TFCP2: variants seen among roughly 807,000 people sequenced by gnomAD.
TFCP2 encodes transcription factor CP2, also known as alpha-globin transcription factor CP2.
Under a neutral mutation model 73.4 loss-of-function variants are expected in TFCP2, and 33 were observed. The ratio of observed to expected loss-of-function variants is 0.45; its 90% CI spans 0.34 to 0.60. The LOEUF (loss-of-function observed/expected upper bound fraction) is 0.60. TFCP2 is among the 20% of genes least tolerant of loss of function. TFCP2 has a pLI of 0.01. For missense variants in TFCP2, 352 were observed against 604.0 expected, an observed-to-expected ratio of 0.58 and a Z score of 4.37; for synonymous variants, 193 against 211.6, an observed-to-expected ratio of 0.91 and a Z score of 0.76.
chr12:51,111,720 G>A (rs1292727095), intron 4 of TFCP2, among the ~76,000 whole-genome samples: 3 of 151,810 alleles, frequency 2.0e-5, no homozygotes, highest in Non-Finnish European at 4.4e-5. Context: ...CGGCCGTGGT[G>A]GCCCACACCT....
intron 1 of TFCP2, among the ~76,000 whole-genome samples, chr12:51,149,781 A>G (rs1316651381): frequency 6.6e-6 from 1 of 152,010 alleles, no homozygotes; most frequent in African/African-American, 2.4e-5. Context: ...TTGCATTTTT[A>G]GTAGAGACGG....
At chr12:51,145,507 A>C (rs1379946711) in intron 1 of TFCP2, among the ~76,000 whole-genome samples, 1 of 133,282 alleles carries the variant, frequency 7.5e-6, no homozygotes, top group Non-Finnish European at 1.6e-5. Context: ...TGAAGGTTGC[A>C]GTGAGCCAAG....
intron 1 of TFCP2, among the ~76,000 whole-genome samples, chr12:51,171,913 C>T (rs797020231): frequency 5.9e-5 from 9 of 152,316 alleles, no homozygotes; most frequent in African/African-American, 1.7e-4. Context: ...TCATTAAGCA[C>T]CAGCTCCCAA....
intron 1 of TFCP2, among the ~76,000 whole-genome samples, chr12:51,166,293 C>A (rs1260248543): frequency 1.3e-5 from 2 of 151,372 alleles, no homozygotes; most frequent in Non-Finnish European, 2.9e-5. Context: ...GCCTGGGCAA[C>A]AAGATCGAAA....
chr12:51,162,530 T>G (rs1167938579), intron 1 of TFCP2, among the ~76,000 whole-genome samples: 1 of 152,178 alleles, frequency 6.6e-6, no homozygotes, highest in Non-Finnish European at 1.5e-5. Flanking sequence ...TAAACCAACC[T>G]AATTAATACA....
At chr12:51,171,947 T>G (rs148058419) in intron 1 of TFCP2, among the ~76,000 whole-genome samples, 1 of 152,240 alleles carries the variant, frequency 6.6e-6, no homozygotes, top group East Asian at 1.9e-4. Flanking sequence ...TAGATACCAT[T>G]CCTATGCTAT....
chr12:51,129,962 A>G (rs1940902409), intron 1 of TFCP2, among the ~76,000 whole-genome samples: 1 of 136,536 alleles, frequency 7.3e-6, no homozygotes, highest in Non-Finnish European at 1.6e-5. Context: ...CAGCCTGGGT[A>G]AAAAATAAGA....
intron 1 of TFCP2, among the ~76,000 whole-genome samples, chr12:51,171,472 G>A (rs1941860746): frequency 6.6e-6 from 1 of 152,132 alleles, no homozygotes; most frequent in Admixed American, 6.6e-5. Flanking sequence ...CCGCCTCCCG[G>A]GTTCAAGCGA....
chr12:51,126,361 A>G (rs780289916), intron 1 of TFCP2, among the ~76,000 whole-genome samples: 30 of 152,318 alleles, frequency 2.0e-4, no homozygotes, highest in South Asian at 6.2e-4. Context: ...GTATAGCAGA[A>G]AGCAATTGAG....
intron 12 of TFCP2, 30 bp from the exon 13 acceptor site, chr12:51,098,948 G>A: frequency 6.2e-7 from 1 of 1,610,002 alleles, no homozygotes; most frequent in South Asian, 1.1e-5. Context: ...ACAGCAGTCA[G>A]TACAAAGTTT....
intron 1 of TFCP2, among the ~76,000 whole-genome samples, chr12:51,153,771 C>G (rs887651173): frequency 6.6e-6 from 1 of 152,162 alleles, no homozygotes; most frequent in Non-Finnish European, 1.5e-5. Flanking sequence ...CATATGTATA[C>G]ATTATATACA....
In TFCP2 at chr12:51,099,779, C is replaced by T. The variant is rs751783634; in HGVS notation, c.1152G>A (p.Arg384=). The change falls in exon 12 of 15, where the codon CGG becomes CGA. Residue 384 remains arginine, a splice_region_variant and synonymous_variant. Transcript: ENST00000257915. ...GIRLFNALKG[R]MVRPRLTIYV... ...AAATGGTTAACCTTGGACGCACCATCCTAAGGGGAGGAAAAAGGCTAATTA... is the reference window on the plus strand; with the variant it reads ...AAATGGTTAACCTTGGACGCACCATTCTAAGGGGAGGAAAAAGGCTAATTA... 6.2e-7 allele frequency: 1 copy of T among 1,613,518 alleles called. No individual in the cohort carries two copies. Among genetic ancestry groups the T allele is most frequent in the South Asian group, 1.1e-5 (1 of 91,018 alleles).
chr12:51,101,788 C>T (rs1379904561), intron 11 of TFCP2, 147 bp downstream of exon 11: 1 of 517,128 alleles, frequency 1.9e-6, no homozygotes, highest in Non-Finnish European at 3.4e-6. Flanking sequence ...AAACATTTTT[C>T]TAAAATCTTT....
intron 1 of TFCP2, among the ~76,000 whole-genome samples, chr12:51,125,616 T>G (rs1940793875): frequency 6.6e-6 from 1 of 152,242 alleles, no homozygotes. Flanking sequence ...GAACAATTAC[T>G]GTATTTTATG....
chr12:51,170,543 T>G (rs539129347), intron 1 of TFCP2, among the ~76,000 whole-genome samples: 1 of 152,180 alleles, frequency 6.6e-6, no homozygotes, highest in African/African-American at 2.4e-5. Flanking sequence ...GAGCGGGTCT[T>G]GAACTCCTTG....
intron 13 of TFCP2, among the ~76,000 whole-genome samples, chr12:51,096,886 T>C (rs553711245): frequency 4.0e-4 from 61 of 152,158 alleles, no homozygotes; most frequent in Non-Finnish European, 7.3e-4. Context: ...GAAATAATTA[T>C]GTGCAAGGGT....
chr12:51,168,363 G>A (rs996359178), intron 1 of TFCP2, among the ~76,000 whole-genome samples: 5 of 151,758 alleles, frequency 3.3e-5, no homozygotes, highest in Non-Finnish European at 7.4e-5. Context: ...CTGTGATTGA[G>A]CCACTACACT....
At chr12:51,109,099 C>G (rs751335016) in intron 6 of TFCP2, 22 bp downstream of exon 6, 2 of 1,612,328 alleles carry the variant, frequency 1.2e-6, no homozygotes, top group African/African-American at 2.7e-5. Flanking sequence ...AATCCAAGGG[C>G]CAGCACATTG....
At chr12:51,171,327 C>T (rs752833725) in intron 1 of TFCP2, among the ~76,000 whole-genome samples, 8 of 152,182 alleles carry the variant, frequency 5.3e-5, no homozygotes, top group African/African-American at 1.7e-4. Flanking sequence ...GCAGCCAATG[C>T]ATGCAACAAG....
Sources: allele counts gnomAD v4.1 joint callset (sites outside exome capture counted in the v4.1 genomes callset), GRCh38; gene constraint gnomAD v4.1.1; transcripts MANE v1.5; gene names NCBI Gene and HGNC (gene_info 2026-07-23, HGNC 2026-07-21).